Variants in CRYBA4 observed in about 807,000 individuals in gnomAD.
CRYBA4 encodes the protein crystallin beta A4, also known as beta-crystallin A4.
In CRYBA4, 30 loss-of-function variants were observed where a neutral mutation model predicts 31.7. The observed-to-expected ratio is 0.95, with a 90% CI of 0.71 to 1.28. The LOEUF (loss-of-function observed/expected upper bound fraction) is 1.28. Among genes scored for constraint, CRYBA4 ranks in the 50% most tolerant of loss-of-function variants. The probability of loss-of-function intolerance (pLI) is 0.00; values close to 1 mark genes in which losing one functional copy is unlikely to be tolerated. For missense variants in CRYBA4, 225 were observed against 260.7 expected (o/e 0.86, Z 0.94); for synonymous variants, 102 against 102.3 (o/e 1.00, Z 0.02).
rs560227919 is a variant in CRYBA4 at position 26,627,227 on chromosome 22, C to T, written c.301-1061C>T. On this transcript the variant is annotated intron_variant, in intron 4 of 5. Transcript: ENST00000354760. ...ACAGAGGCTCAGAAATCCTGTCTAA[C>T]CTCAGTCAGTTGGTAAGTGGCAGCT... Among the ~76,000 whole-genome samples, 5 of 152,134 alleles carry T rather than the reference C, an allele frequency of 3.3e-5. No homozygotes were observed. The South Asian group carries it at 8.3e-4, about 25-fold the overall frequency.
chr22:26,616,520 G>A, the CRYBA4 span, among the ~76,000 whole-genome samples: 1 of 152,138 alleles, frequency 6.6e-6, no homozygotes, highest in Non-Finnish European at 1.5e-5. Flanking sequence ...CCGTCTGGGG[G>A]CCACTCATCC....
chr22:26,622,007 A>G, intron 1 of CRYBA4, 21 bp downstream of exon 1: 1 of 977,326 alleles, frequency 1.0e-6, no homozygotes, highest in African/African-American at 1.8e-5. Context: ...GGTTTGGAGG[A>G]GGGGTGGGAT....
In CRYBA4 at chr22:26,628,339, A is replaced by G. The variant is rs1305546354; in HGVS notation, c.352A>G (p.Lys118Glu). The G allele has an allele frequency of 1.9e-6, 3 of 1,613,842 alleles. No individual in the cohort carries two copies. In the Admixed American group the frequency reaches 5.0e-5, roughly 27 times the overall value. Residue 118 changes from lysine to glutamate, a missense_variant, in exon 5 of 6, where the codon AAG (lysine) becomes GAG (glutamate). Lys to Glu is a moderately conservative substitution (Grantham distance 56). Coordinates refer to ENST00000354760, the MANE Select transcript of CRYBA4 (RefSeq NM_001886.3). ...TIFEQENFLG[K>E]KGELSDDYPS... is the part of the protein sequence containing the mutation. ...CTTCGAGCAAGAGAACTTCCTGGGC[A>G]AGAAAGGAGAGCTGAGCGATGACTA... is the stretch of plus-strand genomic sequence containing the variant.
chr22:26,591,190 G>A, the CRYBA4 span, among the ~76,000 whole-genome samples: 2 of 152,168 alleles, frequency 1.3e-5, no homozygotes, highest in Non-Finnish European at 2.9e-5. Flanking sequence ...GGCCAAAATG[G>A]TGAAACCTCG....
At chr22:26,608,486 A>G in the CRYBA4 span, among the ~76,000 whole-genome samples, 2 of 152,220 alleles carry the variant, frequency 1.3e-5, no homozygotes, top group Non-Finnish European at 2.9e-5. Context: ...TAACAAAGAG[A>G]GAAAAGACCA....
the CRYBA4 span, chr22:26,599,527 C>T: frequency 6.2e-7 from 1 of 1,613,570 alleles, no homozygotes; most frequent in Non-Finnish European, 8.5e-7. Flanking sequence ...AGGGAAGGAC[C>T]CCTCGAGGTG....
Position 26,630,584 on chromosome 22 carries a change from C to A in CRYBA4, c.*97C>A. The A allele has an allele frequency of 9.5e-7, 1 of 1,048,886 alleles. No individual in the cohort carries two copies. The highest frequency in any genetic ancestry group is 1.4e-6 in the Non-Finnish European group (1 of 702,246). 65.0% of individuals were successfully genotyped at this position (1,048,886 alleles called of 1,614,324 possible). On this transcript the variant is annotated 3_prime_UTR_variant, in exon 6 of 6. Coordinates refer to ENST00000354760, the MANE Select transcript of CRYBA4 (RefSeq NM_001886.3). ...TCTCTCCTTCTGCCTCCCCCTGTAACCTGTGTGAACCCAGCACCCATGTGA... is the reference window on the plus strand; with the variant it reads ...TCTCTCCTTCTGCCTCCCCCTGTAAACTGTGTGAACCCAGCACCCATGTGA...
At position 26,630,560 on chromosome 22, in the gene CRYBA4, C is replaced by A; in HGVS notation, c.*73C>A. 7.5e-7 allele frequency: 1 copy of A among 1,341,102 alleles called. No individual in the cohort carries two copies. The highest frequency in any genetic ancestry group is 1.0e-6 in the Non-Finnish European group (1 of 960,216). 83.1% of individuals were successfully genotyped at this position (1,341,102 alleles called of 1,614,324 possible). ...GGCGCTCTGGAGGCTGTGGTGTGTTCTCTCCTTCTGCCTCCCCCTGTAACC... is the reference window on the plus strand; with the variant it reads ...GGCGCTCTGGAGGCTGTGGTGTGTTATCTCCTTCTGCCTCCCCCTGTAACC... On this transcript the variant is annotated 3_prime_UTR_variant, in exon 6 of 6. Coordinates refer to ENST00000354760, the MANE Select transcript of CRYBA4 (RefSeq NM_001886.3).
chr22:26,601,776 G>A, the CRYBA4 span: 1 of 1,575,012 alleles, frequency 6.3e-7, no homozygotes, highest in Non-Finnish European at 8.6e-7. Context: ...AAGGGGCCAT[G>A]GCCTTCTCTA....
At chr22:26,607,179 C>T in the CRYBA4 span, among the ~76,000 whole-genome samples, 4 of 151,752 alleles carry the variant, frequency 2.6e-5, no homozygotes, top group South Asian at 2.1e-4. Context: ...TGCGCCACCA[C>T]GCCCGGCTAA....
rs1168471465 is a variant in CRYBA4 at position 26,630,379 on chromosome 22, G to T, written c.483G>T (p.Gln161His). The change falls in exon 6 of 6, where the codon CAG (glutamine) becomes CAT (histidine). Residue 161 changes from glutamine to histidine, a missense_variant. Transcript: ENST00000354760. ...CSQFPGYRGF[Q>H]YVLECDHHSG... is the part of the protein sequence containing the mutation. The stretch of plus-strand genomic sequence containing the variant: ...AGTTTCCGGGCTACCGAGGATTTCA[G>T]TATGTGCTGGAATGCGATCACCATT... 3.1e-6 allele frequency: 5 copies of T among 1,614,134 alleles called. No homozygotes were observed. The highest frequency in any genetic ancestry group is 1.6e-4 in the Middle Eastern group (1 of 6,084).
chr22:26,626,498 A>C (rs1039429647), intron 4 of CRYBA4, among the ~76,000 whole-genome samples: 1 of 152,274 alleles, frequency 6.6e-6, no homozygotes, highest in Non-Finnish European at 1.5e-5. Flanking sequence ...TTAAAATGAC[A>C]TAAGTCACCA....
the CRYBA4 span, among the ~76,000 whole-genome samples, chr22:26,610,039 T>A: frequency 8.8e-5 from 6 of 68,520 alleles, no homozygotes; most frequent in East Asian, 2.2e-3. Context: ...ACTGATGTGG[T>A]CTTGCCACCA....
At chr22:26,630,293 A>G (rs918756603) in intron 5 of CRYBA4, 47 bp from the exon 6 acceptor site, 2 of 1,612,866 alleles carry the variant, frequency 1.2e-6, no homozygotes, top group Non-Finnish European at 1.7e-6. Flanking sequence ...GTTGATCACC[A>G]TGCTGGTGTC....
chr22:26,605,914 A>G, the CRYBA4 span, among the ~76,000 whole-genome samples: 1 of 152,184 alleles, frequency 6.6e-6, no homozygotes, highest in African/African-American at 2.4e-5. Flanking sequence ...GGTTAGACCA[A>G]GCTTATTTAA....
the CRYBA4 span, among the ~76,000 whole-genome samples, chr22:26,610,452 C>G: frequency 6.6e-6 from 1 of 152,136 alleles, no homozygotes; most frequent in Non-Finnish European, 1.5e-5. Context: ...CAGACACCAG[C>G]TGCATCTTTG....
chr22:26,610,484 T>G, the CRYBA4 span, among the ~76,000 whole-genome samples: 1 of 151,922 alleles, frequency 6.6e-6, no homozygotes, highest in Non-Finnish European at 1.5e-5. Context: ...ATACTCTGGG[T>G]TTGAGTCACT....
chr22:26,625,435 G>T, intron 3 of CRYBA4, 46 bp from the exon 4 acceptor site: 2 of 1,608,266 alleles, frequency 1.2e-6, no homozygotes, highest in Admixed American at 1.7e-5. Flanking sequence ...AGAATGCAGG[G>T]TGAGGGGGAC....
chr22:26,604,083 A>G, the CRYBA4 span, among the ~76,000 whole-genome samples: 15 of 152,232 alleles, frequency 9.9e-5, no homozygotes, highest in Non-Finnish European at 1.9e-4. Flanking sequence ...TTCAAAAGTC[A>G]TCATGCACTG....
Sources: gnomAD v4.1 joint callset for allele counts (sites outside exome capture counted in the v4.1 genomes callset) on GRCh38, gnomAD v4.1.1 for gene constraint, MANE v1.5 for transcripts, NCBI Gene and HGNC (gene_info 2026-07-23, HGNC 2026-07-21) for gene names.